ARB2A: variants seen among roughly 807,000 people sequenced by gnomAD.
ARB2A encodes the protein cotranscriptional regulator ARB2A.
chr5:93,946,894 G>C, the ARB2A span, among the ~76,000 whole-genome samples: 20 of 152,064 alleles, frequency 1.3e-4, no homozygotes, highest in Admixed American at 1.3e-3. Flanking sequence ...AAAACATTCA[G>C]CCACTAATAC....
At chr5:93,804,281 A>G in the ARB2A span, among the ~76,000 whole-genome samples, 54 of 152,110 alleles carry the variant, frequency 3.6e-4, no homozygotes, top group African/African-American at 1.2e-3. Context: ...AACTTCAAAG[A>G]AAGATATTTC....
the ARB2A span, among the ~76,000 whole-genome samples, chr5:93,788,653 T>C: frequency 1.3e-5 from 2 of 152,226 alleles, no homozygotes; most frequent in Admixed American, 6.5e-5. Flanking sequence ...TAAATGACTT[T>C]CCGCAAAGGA....
the ARB2A span, among the ~76,000 whole-genome samples, chr5:94,058,332 T>C: frequency 1.6e-4 from 25 of 152,234 alleles, no homozygotes; most frequent in South Asian, 5.0e-3. Flanking sequence ...ATTTACAATG[T>C]CTGGTATCTA....
At chr5:94,029,696 C>T in the ARB2A span, among the ~76,000 whole-genome samples, 1 of 152,138 alleles carries the variant, frequency 6.6e-6, no homozygotes, top group East Asian at 1.9e-4. Flanking sequence ...TATATTCTTC[C>T]CTACACAATT....
chr5:93,937,937 C>T, the ARB2A span, among the ~76,000 whole-genome samples: 9 of 152,016 alleles, frequency 5.9e-5, no homozygotes, highest in Non-Finnish European at 8.8e-5. Context: ...CAGAAGAAAC[C>T]TTTCATTTAA....
chr5:93,967,806 G>A, the ARB2A span, among the ~76,000 whole-genome samples: 1 of 152,088 alleles, frequency 6.6e-6, no homozygotes, highest in Non-Finnish European at 1.5e-5. Context: ...CTGGCAGAAA[G>A]GGAAATGCCC....
the ARB2A span, among the ~76,000 whole-genome samples, chr5:93,629,118 T>G: frequency 6.6e-6 from 1 of 152,170 alleles, no homozygotes; most frequent in Non-Finnish European, 1.5e-5. Context: ...GTAGGGTTAT[T>G]AATTGGCCTA....
chr5:93,672,024 T>C, the ARB2A span, among the ~76,000 whole-genome samples: 2 of 152,344 alleles, frequency 1.3e-5, no homozygotes, highest in African/African-American at 4.8e-5. Context: ...CAGTTTATTT[T>C]ACTATTCCCT....
At chr5:93,864,245 T>C in the ARB2A span, among the ~76,000 whole-genome samples, 1 of 152,194 alleles carries the variant, frequency 6.6e-6, no homozygotes, top group Non-Finnish European at 1.5e-5. Context: ...AATTATTACA[T>C]TATTTCTCCT....
chr5:93,939,723 C>T, the ARB2A span, among the ~76,000 whole-genome samples: 2 of 151,968 alleles, frequency 1.3e-5, no homozygotes, highest in Non-Finnish European at 2.9e-5. Flanking sequence ...TTCTTCAGTG[C>T]TATTAATATT....
the ARB2A span, among the ~76,000 whole-genome samples, chr5:93,704,018 C>T: frequency 1.5e-4 from 23 of 152,164 alleles, no homozygotes; most frequent in African/African-American, 4.1e-4. Context: ...TGTTAAAGGT[C>T]GAGAGGCAGT....
chr5:93,916,125 AT>A, the ARB2A span, among the ~76,000 whole-genome samples: 7 of 152,216 alleles, frequency 4.6e-5, no homozygotes, highest in African/African-American at 1.7e-4. Context: ...ATCATTAAAA[AT>A]AATTTAATTC....
the ARB2A span, among the ~76,000 whole-genome samples, chr5:93,770,683 T>C: frequency 2.0e-5 from 3 of 152,156 alleles, no homozygotes; most frequent in Admixed American, 1.3e-4. Flanking sequence ...AGCCAAATCA[T>C]GAGTGAACTC....
chr5:94,059,691 C>CA, the ARB2A span, among the ~76,000 whole-genome samples: 240 of 141,418 alleles, frequency 1.7e-3, no homozygotes, highest in African/African-American at 5.0e-3. Context: ...ATAATAATGA[C>CA]AAAAGACTTT....
chr5:93,897,167 C>T, the ARB2A span, among the ~76,000 whole-genome samples: 2 of 151,890 alleles, frequency 1.3e-5, no homozygotes, highest in Non-Finnish European at 2.9e-5. Flanking sequence ...CAAAATATCC[C>T]GGATCAAAAC....
chr5:93,648,076 C>T, the ARB2A span, among the ~76,000 whole-genome samples: 1 of 151,138 alleles, frequency 6.6e-6, no homozygotes, highest in Non-Finnish European at 1.5e-5. Context: ...CCAGGAGAAG[C>T]CTGTGGCTGC....
the ARB2A span, among the ~76,000 whole-genome samples, chr5:94,111,258 C>T: frequency 6.6e-5 from 10 of 152,164 alleles, no homozygotes; most frequent in Non-Finnish European, 1.5e-4. Context: ...CCGTACGCCC[C>T]GACATAAGGA....
chr5:93,843,038 G>A, the ARB2A span, among the ~76,000 whole-genome samples: 1 of 152,142 alleles, frequency 6.6e-6, no homozygotes, highest in Non-Finnish European at 1.5e-5. Context: ...TCAGGCAAAA[G>A]ACTGGAAGAC....
the ARB2A span, among the ~76,000 whole-genome samples, chr5:94,040,137 C>T: frequency 6.6e-5 from 10 of 152,122 alleles, no homozygotes; most frequent in African/African-American, 2.4e-4. Context: ...GGTAAAGTCC[C>T]TTTAGGCTAA....
Sources: gnomAD v4.1 joint callset for allele counts (sites outside exome capture counted in the v4.1 genomes callset) on GRCh38, gnomAD v4.1.1 for gene constraint, MANE v1.5 for transcripts, NCBI Gene and HGNC (gene_info 2026-07-23, HGNC 2026-07-21) for gene names.